RNLS: variants seen among roughly 807,000 people sequenced by gnomAD.
The protein encoded by RNLS is renalase.
RNLS carries 39 observed loss-of-function variants against 39.8 expected under a neutral mutation model. The observed-to-expected ratio is 0.98, with a 90% CI of 0.76 to 1.28. The LOEUF is 1.28. Among genes scored for constraint, RNLS ranks in the 50% most tolerant of loss-of-function variants. The probability of loss-of-function intolerance (pLI) is 0.00; values close to 1 mark genes in which losing one functional copy is unlikely to be tolerated. For missense variants in RNLS, 410 were observed against 413.3 expected, an observed-to-expected ratio of 0.99 and a Z score of 0.07; for synonymous variants, 147 against 150.7, an observed-to-expected ratio of 0.98 and a Z score of 0.18.
At chr10:88,453,119 G>A (rs1351469594) in intron 4 of RNLS, among the ~76,000 whole-genome samples, 1 of 152,186 alleles carries the variant, frequency 6.6e-6, no homozygotes, top group Non-Finnish European at 1.5e-5. Context: ...TCCACCTGAA[G>A]GCCTAGAACT....
At chr10:88,190,564 G>A in the RNLS span, among the ~76,000 whole-genome samples, 1 of 152,154 alleles carries the variant, frequency 6.6e-6, no homozygotes, top group Admixed American at 6.5e-5. Context: ...GTAATAAAAT[G>A]GAATGTCTTT....
chr10:88,447,601 T>C (rs538882635), intron 4 of RNLS, among the ~76,000 whole-genome samples: 58 of 152,262 alleles, frequency 3.8e-4, no homozygotes, highest in African/African-American at 1.3e-3. Context: ...ATTTATAGAC[T>C]CAATGCCATC....
At chr10:88,559,216 T>C (rs1288771886) in intron 4 of RNLS, among the ~76,000 whole-genome samples, 1 of 152,182 alleles carries the variant, frequency 6.6e-6, no homozygotes, top group East Asian at 1.9e-4. Context: ...AAATTTTGCA[T>C]CTTTGTAGTA....
intron 4 of RNLS, among the ~76,000 whole-genome samples, chr10:88,426,204 T>C (rs140394728): frequency 4.6e-5 from 7 of 152,096 alleles, no homozygotes; most frequent in African/African-American, 1.7e-4. Flanking sequence ...CACAGAGAAG[T>C]ACACAAGAAT....
chr10:88,268,731 C>A, the RNLS span, among the ~76,000 whole-genome samples: 1 of 152,206 alleles, frequency 6.6e-6, no homozygotes, highest in Non-Finnish European at 1.5e-5. Context: ...TCTAGACTTG[C>A]CCCACAGAGT....
At chr10:88,188,891 T>C in the RNLS span, among the ~76,000 whole-genome samples, 4 of 152,212 alleles carry the variant, frequency 2.6e-5, no homozygotes, top group Non-Finnish European at 4.4e-5. Context: ...GAAATCTCTG[T>C]GCTTTTTGTA....
chr10:88,517,159 T>C (rs1301311029), intron 4 of RNLS, among the ~76,000 whole-genome samples: 6 of 152,000 alleles, frequency 3.9e-5, no homozygotes, highest in Admixed American at 2.0e-4. Context: ...CCTTTCATAA[T>C]GGTTGCTAGT....
intron 4 of RNLS, among the ~76,000 whole-genome samples, chr10:88,524,447 A>C (rs1846956119): frequency 6.6e-6 from 1 of 152,152 alleles, no homozygotes; most frequent in Admixed American, 6.6e-5. Flanking sequence ...AGAAATCCTG[A>C]CCTGCACCAT....
At chr10:88,364,746 A>G (rs2133382401) in intron 4 of RNLS, among the ~76,000 whole-genome samples, 1 of 152,196 alleles carries the variant, frequency 6.6e-6, no homozygotes, top group Non-Finnish European at 1.5e-5. Flanking sequence ...ATGATCTGAC[A>G]TTGGCCTCAT....
At chr10:88,323,197 G>A (rs1021244073) in intron 5 of RNLS, among the ~76,000 whole-genome samples, 2 of 152,142 alleles carry the variant, frequency 1.3e-5, no homozygotes. Context: ...TTGTTAAAAT[G>A]ATTATACTGC....
At chr10:88,303,216 G>A (rs1371555066) in intron 6 of RNLS, among the ~76,000 whole-genome samples, 2 of 152,204 alleles carry the variant, frequency 1.3e-5, no homozygotes, top group African/African-American at 4.8e-5. Flanking sequence ...AAGAGGTAGG[G>A]GCAGCAAGCC....
chr10:88,266,582 G>T, the RNLS span, among the ~76,000 whole-genome samples: 57 of 152,200 alleles, frequency 3.7e-4, no homozygotes, highest in East Asian at 1.2e-3. Flanking sequence ...CAGTCTAGAA[G>T]TTGTGGGTGG....
At chr10:88,332,410 T>A (rs1281020996) in intron 5 of RNLS, among the ~76,000 whole-genome samples, 1 of 152,278 alleles carries the variant, frequency 6.6e-6, no homozygotes, top group Non-Finnish European at 1.5e-5. Context: ...CTTTACATAT[T>A]TCACTCTTAT....
the RNLS span, among the ~76,000 whole-genome samples, chr10:88,172,839 G>GTTTTTTTTTTTTTTTTTT: frequency 3.2e-5 from 1 of 31,502 alleles, no homozygotes; most frequent in Non-Finnish European, 6.6e-5. Context: ...TGCATTTTGA[G>GTTTTTTTTTTTTTTTTTT]TTGTTTTTTT....
intron 5 of RNLS, among the ~76,000 whole-genome samples, chr10:88,347,394 A>C (rs185067830): frequency 6.6e-6 from 1 of 152,284 alleles, no homozygotes; most frequent in Admixed American, 6.5e-5. Flanking sequence ...GTATTATGGA[A>C]ACAGCAAGCT....
chr10:88,272,007 A>G (rs780042023), downstream of RNLS, among the ~76,000 whole-genome samples: 3 of 152,164 alleles, frequency 2.0e-5, no homozygotes, highest in Non-Finnish European at 4.4e-5. Context: ...CCTAGGCTCA[A>G]TCCAAAAGAA....
chr10:88,374,242 A>C (rs531350370), intron 4 of RNLS, among the ~76,000 whole-genome samples: 25 of 152,124 alleles, frequency 1.6e-4, no homozygotes, highest in Non-Finnish European at 3.1e-4. Context: ...CTCTGGAAAG[A>C]CATGATATTT....
chr10:88,348,727 C>A (rs1848480509), intron 5 of RNLS, among the ~76,000 whole-genome samples: 1 of 152,120 alleles, frequency 6.6e-6, no homozygotes, highest in Non-Finnish European at 1.5e-5. Flanking sequence ...CTGATTTATT[C>A]ATGGATTTAA....
intron 4 of RNLS, among the ~76,000 whole-genome samples, chr10:88,393,219 G>T (rs1455600116): frequency 4.6e-5 from 7 of 152,036 alleles, no homozygotes; most frequent in Non-Finnish European, 8.8e-5. Context: ...AAGAAATAAA[G>T]GGTATTCAAT....
Sources: gnomAD v4.1 joint callset for allele counts (sites outside exome capture counted in the v4.1 genomes callset) on GRCh38, gnomAD v4.1.1 for gene constraint, MANE v1.5 for transcripts, NCBI Gene and HGNC (gene_info 2026-07-23, HGNC 2026-07-21) for gene names.